The following UNC5C variants were observed in gnomAD, a reference collection of about 807,000 sequenced individuals.
The protein encoded by UNC5C is unc-5 netrin receptor C.
In UNC5C, 47 loss-of-function variants were observed where a neutral mutation model predicts 99.8. That is an observed-to-expected ratio of 0.47 (90% CI 0.37 to 0.60). The LOEUF is 0.60. Ranked by LOEUF, UNC5C falls within the 20% of genes least tolerant of loss-of-function variation. The probability of loss-of-function intolerance (pLI) is 0.00; values close to 1 mark genes in which losing one functional copy is unlikely to be tolerated. For missense variants in UNC5C, 1,062 were observed against 1,165.9 expected, an observed-to-expected ratio of 0.91 and a Z score of 1.30; for synonymous variants, 487 against 452.2, an observed-to-expected ratio of 1.08 and a Z score of -0.98.
At chr4:95,545,268 C>A (rs1386173267) in intron 1 of UNC5C, among the ~76,000 whole-genome samples, 1 of 152,286 alleles carries the variant, frequency 6.6e-6, no homozygotes, top group African/African-American at 2.4e-5. Flanking sequence ...ATTCCTAATT[C>A]TTTGCAAGTG....
intron 1 of UNC5C, among the ~76,000 whole-genome samples, chr4:95,529,652 A>T (rs546002118): frequency 6.6e-6 from 1 of 152,136 alleles, no homozygotes. Context: ...GCTTGAGTCC[A>T]GGAGGTCGAA....
chr4:95,341,404 T>TAA (rs1486020684), intron 1 of UNC5C, among the ~76,000 whole-genome samples: 2 of 149,388 alleles, frequency 1.3e-5, no homozygotes, highest in African/African-American at 4.9e-5. Flanking sequence ...GGCAAGCAAA[T>TAA]AAAACAAGTT....
intron 1 of UNC5C, among the ~76,000 whole-genome samples, chr4:95,476,186 T>C (rs1173082711): frequency 1.3e-5 from 2 of 152,100 alleles, no homozygotes; most frequent in Non-Finnish European, 2.9e-5. Flanking sequence ...TGAGAGAACT[T>C]CCCTCTGGGC....
chr4:95,495,282 T>C (rs6532559), intron 1 of UNC5C, among the ~76,000 whole-genome samples: 122,965 of 151,318 alleles, frequency 0.81, 50,078 homozygotes, highest in South Asian at 0.87. Flanking sequence ...CTTTTATCAC[T>C]TGTAACTCTG....
chr4:95,340,530 A>C (rs1407690532), intron 1 of UNC5C, among the ~76,000 whole-genome samples: 4 of 151,892 alleles, frequency 2.6e-5, no homozygotes, highest in African/African-American at 4.9e-5. Flanking sequence ...CCTCAGGAAG[A>C]CAAAGACTAT....
intron 1 of UNC5C, among the ~76,000 whole-genome samples, chr4:95,377,154 C>T (rs1318362105): frequency 6.6e-6 from 1 of 152,136 alleles, no homozygotes; most frequent in Non-Finnish European, 1.5e-5. Flanking sequence ...AAGGAGTAGG[C>T]AGGAGGGCTT....
chr4:95,213,322 A>C (rs1478159243), intron 10 of UNC5C, among the ~76,000 whole-genome samples: 1 of 152,228 alleles, frequency 6.6e-6, no homozygotes, highest in Non-Finnish European at 1.5e-5. Flanking sequence ...TACTAGAAAC[A>C]AGGCAAAAAG....
chr4:95,313,944 A>G (rs1431342736), intron 2 of UNC5C, among the ~76,000 whole-genome samples: 3 of 152,194 alleles, frequency 2.0e-5, no homozygotes, highest in African/African-American at 7.2e-5. Flanking sequence ...TTGGTCTCCC[A>G]TCTTGTGAAA....
chr4:95,199,652 T>A (rs1438661359), intron 12 of UNC5C, among the ~76,000 whole-genome samples: 1 of 152,182 alleles, frequency 6.6e-6, no homozygotes, highest in Non-Finnish European at 1.5e-5. Flanking sequence ...TTGCATGTAT[T>A]TGTGTGTGTT....
chr4:95,260,548 C>G (rs1485216166), intron 4 of UNC5C, among the ~76,000 whole-genome samples: 1 of 152,110 alleles, frequency 6.6e-6, no homozygotes, highest in Non-Finnish European at 1.5e-5. Flanking sequence ...TTTCTCTCTC[C>G]CCACAGAAAG....
chr4:95,465,889 C>T (rs1012625688), intron 1 of UNC5C, among the ~76,000 whole-genome samples: 10 of 152,124 alleles, frequency 6.6e-5, no homozygotes, highest in Non-Finnish European at 4.4e-5. Context: ...TCTATCTTCA[C>T]CAATATTCAG....
chr4:95,498,332 A>G (rs372156503), intron 1 of UNC5C, among the ~76,000 whole-genome samples: 3 of 152,040 alleles, frequency 2.0e-5, no homozygotes, highest in South Asian at 4.1e-4. Context: ...TCAGAATTAT[A>G]TAGTATTAAT....
chr4:95,390,222 G>A (rs572154600), intron 1 of UNC5C, among the ~76,000 whole-genome samples: 67 of 152,230 alleles, frequency 4.4e-4, no homozygotes, highest in African/African-American at 1.6e-3. Flanking sequence ...AGGACTGGTA[G>A]GTTAAAGCCA....
chr4:95,334,611 C>T (rs770285558), intron 2 of UNC5C, among the ~76,000 whole-genome samples: 2 of 151,976 alleles, frequency 1.3e-5, no homozygotes, highest in Non-Finnish European at 2.9e-5. Context: ...GATTCCACAA[C>T]TACCCTAATT....
intron 1 of UNC5C, among the ~76,000 whole-genome samples, chr4:95,437,423 G>T (rs1022611211): frequency 6.6e-6 from 1 of 151,606 alleles, no homozygotes; most frequent in African/African-American, 2.4e-5. Flanking sequence ...TCATAGTATC[G>T]TATAAATGAG....
intron 7 of UNC5C, among the ~76,000 whole-genome samples, chr4:95,229,505 A>T (rs192599048): frequency 0.011 from 1,703 of 152,096 alleles, 38 homozygotes; most frequent in African/African-American, 0.039. Flanking sequence ...TATGTGCCAC[A>T]TTTTCTTTAA....
intron 4 of UNC5C, among the ~76,000 whole-genome samples, chr4:95,261,973 A>G (rs766113339): frequency 6.6e-6 from 1 of 152,146 alleles, no homozygotes; most frequent in Non-Finnish European, 1.5e-5. Context: ...AAAGTGCTGG[A>G]TTACAGGCAT....
intron 1 of UNC5C, among the ~76,000 whole-genome samples, chr4:95,474,547 C>T (rs1748078739): frequency 1.3e-5 from 2 of 152,076 alleles, no homozygotes; most frequent in Non-Finnish European, 2.9e-5. Flanking sequence ...CTCGGCCTCC[C>T]AAAGTGCTAG....
chr4:95,194,950 T>C (rs1423925314), intron 12 of UNC5C, among the ~76,000 whole-genome samples: 1 of 152,100 alleles, frequency 6.6e-6, no homozygotes, highest in African/African-American at 2.4e-5. Flanking sequence ...CAGAAGATGA[T>C]AAAAATGGGG....
Sources: allele counts gnomAD v4.1 joint callset (sites outside exome capture counted in the v4.1 genomes callset), GRCh38; gene constraint gnomAD v4.1.1; transcripts MANE v1.5; gene names NCBI Gene and HGNC (gene_info 2026-07-23, HGNC 2026-07-21).